MALRD1: variants seen among roughly 807,000 people sequenced by gnomAD.
MALRD1 encodes the protein MAM and LDL receptor class A domain containing 1, also known as MAM and LDL-receptor class A domain-containing protein 1.
In MALRD1, 247 loss-of-function variants were observed where a neutral mutation model predicts 242.1. The ratio of observed to expected loss-of-function variants is 1.02; its 90% CI spans 0.92 to 1.13. The LOEUF (loss-of-function observed/expected upper bound fraction) is 1.13. Ranked by LOEUF, MALRD1 falls within the 50% of genes most tolerant of loss-of-function variation. The pLI is 0.00. For missense variants in MALRD1, 2,989 were observed against 2,533.1 expected (o/e 1.18, Z -3.86); for synonymous variants, 995 against 866.6 (o/e 1.15, Z -2.60).
At chr10:19,684,003 C>G (rs564887049) in intron 36 of MALRD1, among the ~76,000 whole-genome samples, 1 of 152,220 alleles carries the variant, frequency 6.6e-6, no homozygotes, top group South Asian at 2.1e-4. Flanking sequence ...TGTTCAGCTC[C>G]CACTTATGAG....
chr10:19,163,504 G>A (rs144821683), intron 12 of MALRD1, among the ~76,000 whole-genome samples: 2 of 151,452 alleles, frequency 1.3e-5, no homozygotes, highest in Admixed American at 1.3e-4. Flanking sequence ...TCTACTTTAG[G>A]GGGGAGGGTG....
chr10:19,589,887 T>C (rs1260595985), intron 33 of MALRD1, among the ~76,000 whole-genome samples: 2 of 152,020 alleles, frequency 1.3e-5, no homozygotes, highest in Non-Finnish European at 2.9e-5. Context: ...ATTTTTGCTC[T>C]GAGCGTGTTT....
At chr10:19,101,729 T>A (rs1217815326) in intron 4 of MALRD1, among the ~76,000 whole-genome samples, 1 of 136,282 alleles carries the variant, frequency 7.3e-6, no homozygotes, top group Non-Finnish European at 1.5e-5. Context: ...CTATAATATA[T>A]ACATTATATC....
At chr10:19,610,274 A>G (rs1401508774) in intron 35 of MALRD1, among the ~76,000 whole-genome samples, 5 of 151,906 alleles carry the variant, frequency 3.3e-5, no homozygotes, top group African/African-American at 1.2e-4. Flanking sequence ...ACAATATCTT[A>G]ATATTCACCC....
chr10:19,284,025 G>A (rs957162936), intron 21 of MALRD1, among the ~76,000 whole-genome samples: 14 of 152,164 alleles, frequency 9.2e-5, no homozygotes, highest in African/African-American at 2.9e-4. Flanking sequence ...GTTAGTGATG[G>A]AGCATTTCTT....
rs992367199 is a variant in MALRD1 at position 19,327,788 on chromosome 10, G to A, written c.3687+115G>A. 2.9e-5 allele frequency: 23 copies of A among 788,336 alleles called. No individual in the cohort carries two copies. The African/African-American group carries it at 3.4e-4, about 12-fold the overall frequency. The allele number at this position is 788,336 out of a possible 1,614,324, so 48.8% of individuals were successfully genotyped here. A position where few individuals can be genotyped will look rare whatever the true frequency, so the allele number is the denominator to read the frequency against. ...CCCCATTCCCTTTTTGATGTGTTCTGTGGATGCGTGGACACCATGCTTAAC... is the reference window on the plus strand; with the variant it reads ...CCCCATTCCCTTTTTGATGTGTTCTATGGATGCGTGGACACCATGCTTAAC... On this transcript the variant is annotated intron_variant, in intron 23 of 39. Transcript: ENST00000454679.
intron 29 of MALRD1, among the ~76,000 whole-genome samples, chr10:19,479,938 C>A (rs1340801097): frequency 6.6e-6 from 1 of 152,128 alleles, no homozygotes; most frequent in Non-Finnish European, 1.5e-5. Flanking sequence ...ACTCACATTC[C>A]ATGGGTTAGA....
At chr10:19,551,107 G>C (rs1717112580) in intron 32 of MALRD1, among the ~76,000 whole-genome samples, 1 of 152,022 alleles carries the variant, frequency 6.6e-6, no homozygotes, top group African/African-American at 2.4e-5. Context: ...CTGCATGTAG[G>C]TCTTCTTTTG....
chr10:19,247,113 A>C (rs911214447), intron 18 of MALRD1, among the ~76,000 whole-genome samples: 5 of 152,128 alleles, frequency 3.3e-5, no homozygotes, highest in African/African-American at 1.2e-4. Flanking sequence ...CAGCTAGTCT[A>C]CATAGTGCCT....
chr10:19,349,204 G>A (rs1455063746), intron 25 of MALRD1, among the ~76,000 whole-genome samples: 1 of 152,038 alleles, frequency 6.6e-6, no homozygotes. Context: ...CAGGTGATCT[G>A]CCCACCTTGA....
intron 36 of MALRD1, among the ~76,000 whole-genome samples, chr10:19,666,658 G>A (rs7086414): frequency 0.63 from 95,144 of 151,982 alleles, 30,879 homozygotes; most frequent in African/African-American, 0.82. Flanking sequence ...ACTTTACTTC[G>A]AAATGAACCC....
chr10:19,498,585 C>T lies in MALRD1; in HGVS notation c.5259C>T (p.Asp1753=). 1 of 1,550,350 alleles carries T rather than the reference C, an allele frequency of 6.5e-7. No homozygotes were observed. The highest frequency in any genetic ancestry group is 2.0e-5 in the Admixed American group (1 of 50,968). Residue 1753 remains aspartate (D), a synonymous_variant, in exon 31 of 40, where the codon GAC becomes GAT. Coordinates refer to ENST00000454679, the MANE Select transcript of MALRD1 (RefSeq NM_001142308.3). The part of the protein sequence containing the change: ...SLTQDSEDDL[D]WAIGSRIPAK... ...CTCAAGACTCTGAGGATGACTTGGA[C>T]TGGGCCATTGGCAGCAGAATTCCTG...
At chr10:19,277,221 T>C (rs1588836451) in intron 19 of MALRD1, among the ~76,000 whole-genome samples, 1 of 152,118 alleles carries the variant, frequency 6.6e-6, no homozygotes, top group Non-Finnish European at 1.5e-5. Flanking sequence ...CCACCACACC[T>C]GGTGAGAAAA....
At chr10:19,164,795 C>T (rs996497635) in intron 12 of MALRD1, among the ~76,000 whole-genome samples, 2 of 152,126 alleles carry the variant, frequency 1.3e-5, no homozygotes, top group African/African-American at 4.8e-5. Flanking sequence ...CCTCTCTATT[C>T]TCTTCACTAT....
chr10:19,111,715 A>G (rs560698968), intron 5 of MALRD1, among the ~76,000 whole-genome samples: 1 of 152,328 alleles, frequency 6.6e-6, no homozygotes, highest in South Asian at 2.1e-4. Context: ...GCTGCAAAGG[A>G]AGTAGTTTTC....
intron 14 of MALRD1, among the ~76,000 whole-genome samples, chr10:19,196,524 G>A (rs924869133): frequency 1.5e-5 from 2 of 135,378 alleles, no homozygotes; most frequent in Admixed American, 8.2e-5. Context: ...ATGGCATGGG[G>A]CACCACTCTT....
chr10:19,623,469 T>G lies in MALRD1; in HGVS notation c.6137+7546T>G, dbSNP rs185697191. 3.3e-5 allele frequency among the ~76,000 whole-genome samples: 5 copies of G among 152,254 alleles called. No individual in the cohort carries two copies. In the East Asian group the frequency reaches 7.7e-4, roughly 24 times the overall value. ...TGATGAGAATTGGTTCCTGTAGTTA[T>G]GGAGGCTGGGAAATCCCACAACATG... On this transcript the variant is annotated intron_variant, in intron 36 of 39. Coordinates refer to ENST00000454679, the MANE Select transcript of MALRD1 (RefSeq NM_001142308.3).
At chr10:19,144,252 G>C (rs1444627298) in intron 10 of MALRD1, among the ~76,000 whole-genome samples, 1 of 152,126 alleles carries the variant, frequency 6.6e-6, no homozygotes, top group Non-Finnish European at 1.5e-5. Context: ...TTGAGCCCTG[G>C]GGAAAAGTCA....
intron 36 of MALRD1, among the ~76,000 whole-genome samples, chr10:19,649,329 A>G (rs1049756648): frequency 1.3e-5 from 2 of 152,162 alleles, no homozygotes; most frequent in African/African-American, 4.8e-5. Flanking sequence ...TTCCAGAATA[A>G]TTGAACTAAT....
Sources: allele counts gnomAD v4.1 joint callset (sites outside exome capture counted in the v4.1 genomes callset), GRCh38; gene constraint gnomAD v4.1.1; transcripts MANE v1.5; gene names NCBI Gene and HGNC (gene_info 2026-07-23, HGNC 2026-07-21).